The following ZNF335 variants were observed in gnomAD, a reference collection of about 807,000 sequenced individuals.
ZNF335 encodes the protein NRC-interacting factor 1.
ZNF335 carries 84 observed loss-of-function variants against 145.6 expected under a neutral mutation model. That is an observed-to-expected ratio of 0.58 (90% confidence interval 0.48 to 0.69). ZNF335 has a LOEUF of 0.69. Among genes scored for constraint, ZNF335 ranks in the 30% least tolerant of loss-of-function variants. The probability of loss-of-function intolerance (pLI) is 0.00; values close to 1 mark genes in which losing one functional copy is unlikely to be tolerated. For synonymous variants in ZNF335, 761 were observed against 717.0 expected, an observed-to-expected ratio of 1.06 and a Z score of -0.98; for missense variants, 1,865 against 1,809.7, an observed-to-expected ratio of 1.03 and a Z score of -0.55.
chr20:45,971,610 A>G, intron 1 of ZNF335, 150 bp from the exon 2 acceptor site: 2 of 1,434,326 alleles, frequency 1.4e-6, no homozygotes, highest in Non-Finnish European at 1.8e-6. Flanking sequence ...TTGCGAGGGG[A>G]GCTCGGGAAA....
chr20:45,961,212 T>C (rs1479820385), intron 10 of ZNF335, among the ~76,000 whole-genome samples: 2 of 152,058 alleles, frequency 1.3e-5, no homozygotes, highest in Non-Finnish European at 1.5e-5. Flanking sequence ...ACATCGTCTC[T>C]ACAAAAAAAA....
In ZNF335 at chr20:45,950,418, C is replaced by G. The variant is rs2083609563; in HGVS notation, c.3332+35G>C. 1.9e-6 allele frequency: 3 copies of G among 1,613,424 alleles called. No homozygotes were observed. The Admixed American group carries it at 5.0e-5, about 27-fold the overall frequency. The stretch of plus-strand genomic sequence containing the variant: ...GCTCAGGTTAGCTCCACCATACATG[C>G]CCAGCAGTCCCCACCCACCAGTATC... On this transcript the variant is annotated intron_variant, in intron 21 of 27. Coordinates refer to ENST00000322927, the MANE Select transcript of ZNF335 (RefSeq NM_022095.4).
intron 21 of ZNF335, 21 bp downstream of exon 21, chr20:45,950,431 AC>A (rs770711079): frequency 2.2e-5 from 36 of 1,613,838 alleles, no homozygotes; most frequent in Non-Finnish European, 2.9e-5. Context: ...AGCAGTCCCC[AC>A]CCACCAGTAT....
chr20:45,957,943 T>C lies in ZNF335; in HGVS notation c.2254-15A>G, dbSNP rs771230506. 1.2e-6 allele frequency: 2 copies of C among 1,612,004 alleles called. No individual in the cohort carries two copies. Among genetic ancestry groups the C allele is most frequent in the Admixed American group, 3.3e-5 (2 of 60,016 alleles). On this transcript the variant is annotated splice_polypyrimidine_tract_variant and intron_variant, in intron 15 of 27. Transcript: ENST00000322927. ...TCTGGGGGTATCTATGGGGTGGAGA[T>C]ATGGCCACGCCTGAGAGGGGCCAGC...
rs772525137 is a variant in ZNF335, at chr20:45,969,485, G to C, written c.408C>G (p.Ile136Met). 1.3e-6 allele frequency: 2 copies of C among 1,562,072 alleles called. No homozygotes were observed. The highest frequency in any genetic ancestry group is 1.3e-5 in the African/African-American group (1 of 74,228). The change falls in exon 3 of 28, where the codon ATC (isoleucine) becomes ATG (methionine). Residue 136 changes from isoleucine (I) to methionine (M), a missense_variant. Coordinates refer to ENST00000322927, the MANE Select transcript of ZNF335 (RefSeq NM_022095.4). ...SSDLGSAIDKIIESTIGPDLI... is the reference protein window; with the variant it reads ...SSDLGSAIDKMIESTIGPDLI... ...GGTCGGGCCCGATGGTGGACTCGAT[G>C]ATCTTGTCGATGGCCGAGCCCAGGT...
intron 3 of ZNF335, 33 bp from the exon 4 acceptor site, chr20:45,968,395 G>T (rs1374885395): frequency 6.3e-7 from 1 of 1,591,080 alleles, no homozygotes. Context: ...CACACCTCCT[G>T]GGGAGGGGGT....
chr20:45,953,985 G>C, intron 17 of ZNF335, 37 bp from the exon 18 acceptor site: 4 of 1,543,292 alleles, frequency 2.6e-6, no homozygotes, highest in Non-Finnish European at 3.5e-6. Context: ...GGAGGCACTG[G>C]TGGCAGAGGA....
chr20:45,952,388 A>G lies in ZNF335; in HGVS notation c.2948T>C (p.Val983Ala). 1.2e-6 allele frequency: 2 copies of G among 1,601,532 alleles called. No individual in the cohort carries two copies. The highest frequency in any genetic ancestry group is 1.7e-6 in the Non-Finnish European group (2 of 1,172,190). ...GGAGGCAGAGCTCTGGGAGTCCCCT[A>G]CGCAGTGGGTCTTGGCTGGAGATGG... ...EPPSPAKTHC[V>A]GDSQSSASSP... Residue 983 changes from valine to alanine, a missense_variant, in exon 20 of 28, where the codon GTA (valine) becomes GCA (alanine). Physicochemically the swap from Val to Ala is moderately conservative, Grantham distance 64 (BLOSUM62 0). Coordinates refer to ENST00000322927, the MANE Select transcript of ZNF335 (RefSeq NM_022095.4).
intron 10 of ZNF335, chr20:45,961,536 T>G (rs1385334621): frequency 6.6e-6 from 1 of 151,798 alleles, no homozygotes; most frequent in Non-Finnish European, 1.5e-5. Flanking sequence ...TAAAGTATCT[T>G]GGGCTGGCTT....
chr20:45,950,646 A>G (rs772091245), intron 20 of ZNF335, 51 bp from the exon 21 acceptor site: 1 of 1,596,992 alleles, frequency 6.3e-7, no homozygotes, highest in Non-Finnish European at 8.6e-7. Context: ...ACAGATGGCA[A>G]CAAATCCCCG....
In ZNF335 at chr20:45,955,852, A is replaced by G. The variant is rs191926821; in HGVS notation, c.2442+1734T>C. ...AAAAAAATTTATGAGCACTGAAAAT[A>G]TATGTACAGTGAAGCACTGCTTGAA... On this transcript the variant is annotated intron_variant, in intron 17 of 27. Transcript: ENST00000322927. 5.9e-5 allele frequency among the ~76,000 whole-genome samples: 9 copies of G among 152,214 alleles called. No individual in the cohort carries two copies. The East Asian group carries it at 1.4e-3, about 23-fold the overall frequency.
chr20:45,961,168 C>T (rs142033367), intron 10 of ZNF335, among the ~76,000 whole-genome samples: 124 of 152,186 alleles, frequency 8.1e-4, no homozygotes, highest in African/African-American at 2.8e-3. Context: ...AGTTAAGGCC[C>T]GGAGTTTGAG....
Position 45,963,648 on chromosome 20 carries a change from T to C in ZNF335, c.1358A>G (p.Tyr453Cys), listed in dbSNP as rs1460874320. 1.2e-6 allele frequency: 2 copies of C among 1,614,104 alleles called. No homozygotes were observed. Among genetic ancestry groups the C allele is most frequent in the East Asian group, 2.2e-5 (1 of 44,886 alleles). Residue 453 changes from tyrosine (Y) to cysteine (C), a missense_variant and splice_region_variant, in exon 9 of 28, where the codon TAC becomes TGC. Physicochemically the swap from Tyr to Cys is radical, Grantham distance 194. Coordinates refer to ENST00000322927, the MANE Select transcript of ZNF335 (RefSeq NM_022095.4). The part of the protein sequence containing the change: ...RRFLGKKYRK[Y>C]YYKSPKPLLR... Reference sequence around the variant, plus strand: ...AAGTGGTTTGGGCGACTTGTAATAGTACCTGCAGGATGAGAGTGTGGCGGA... The same window carrying C: ...AAGTGGTTTGGGCGACTTGTAATAGCACCTGCAGGATGAGAGTGTGGCGGA...
rs1165990780 is a variant in ZNF335 at position 45,950,072 on chromosome 20, G to A, written c.3488-3C>T. The A allele has an allele frequency of 1.2e-6, 2 of 1,613,250 alleles. No homozygotes were observed. Among genetic ancestry groups the A allele is most frequent in the East Asian group, 2.2e-5 (1 of 44,850 alleles). ...CCCGTGACTGGACTGGAGTGCAGCT[G>A]GGCAGAGAGGAGAGGATGCTCACCT... On this transcript the variant is annotated splice_region_variant and splice_polypyrimidine_tract_variant and intron_variant, in intron 22 of 27. Coordinates refer to ENST00000322927, the MANE Select transcript of ZNF335 (RefSeq NM_022095.4).
In ZNF335 at chr20:45,959,198, T is replaced by C. The variant is rs200995811; in HGVS notation, c.2253+3A>G. On this transcript the variant is annotated splice_donor_region_variant and intron_variant, in intron 15 of 27. Coordinates refer to ENST00000322927, the MANE Select transcript of ZNF335 (RefSeq NM_022095.4). Reference sequence around the variant, plus strand: ...GTCATCCTGACCCATGCCCCGACCTTACCTCAGGAGGTCCTGGGGAACTGG... The same window carrying C: ...GTCATCCTGACCCATGCCCCGACCTCACCTCAGGAGGTCCTGGGGAACTGG... 2.6e-5 allele frequency: 35 copies of C among 1,366,028 alleles called. No homozygotes were observed. The highest frequency in any genetic ancestry group is 2.9e-5 in the Admixed American group (1 of 34,316). 84.6% of individuals were successfully genotyped at this position (1,366,028 alleles called of 1,614,324 possible).
Position 45,949,456 on chromosome 20 carries a change from A to G in ZNF335, c.3753+29T>C, listed in dbSNP as rs777558948. On this transcript the variant is annotated intron_variant, in intron 25 of 27. Coordinates refer to ENST00000322927, the MANE Select transcript of ZNF335 (RefSeq NM_022095.4). Reference sequence around the variant, plus strand: ...GAGAGGTCATGCAGCCCTTCACCACACAGCACCCTCATCCCAGGTCTGGCC... The same window carrying G: ...GAGAGGTCATGCAGCCCTTCACCACGCAGCACCCTCATCCCAGGTCTGGCC... 6.8e-6 allele frequency: 11 copies of G among 1,613,944 alleles called. No homozygotes were observed. The Admixed American group carries it at 1.7e-4, about 24-fold the overall frequency.
At chr20:45,969,947 AG>A (rs1387509324) in intron 2 of ZNF335, 3 of 397,926 alleles carry the variant, frequency 7.5e-6, no homozygotes, top group East Asian at 3.8e-5. Context: ...AGCCACAGCC[AG>A]GGGGAGCTAT....
intron 14 of ZNF335, 25 bp from the exon 15 acceptor site, chr20:45,959,458 T>G (rs781703750): frequency 1.4e-6 from 2 of 1,416,422 alleles, no homozygotes; most frequent in Non-Finnish European, 1.9e-6. Flanking sequence ...TGGGGCATGC[T>G]TAAGTCTGCC....
In ZNF335 at chr20:45,949,818, C is replaced by T. The variant is rs1170527052; in HGVS notation, c.3651G>A (p.Leu1217=). The T allele has an allele frequency of 6.2e-7, 1 of 1,613,944 alleles. No individual in the cohort carries two copies. The highest frequency in any genetic ancestry group is 1.3e-5 in the African/African-American group (1 of 74,886). The change falls in exon 24 of 28, where the codon CTG becomes CTA. Residue 1217 remains leucine (L), a synonymous_variant. Coordinates refer to ENST00000322927, the MANE Select transcript of ZNF335 (RefSeq NM_022095.4). Reference sequence around the variant, plus strand: ...AGCTCACCTGGTTGTCGGAGGTCACCAGGTGCTGTACGGTCTGGCCATCTG... The same window carrying T: ...AGCTCACCTGGTTGTCGGAGGTCACTAGGTGCTGTACGGTCTGGCCATCTG... ...TTADGQTVQH[L]VTSDNQVQYI...
Sources: gnomAD v4.1 joint callset for allele counts (sites outside exome capture counted in the v4.1 genomes callset) on GRCh38, gnomAD v4.1.1 for gene constraint, MANE v1.5 for transcripts, NCBI Gene and HGNC (gene_info 2026-07-23, HGNC 2026-07-21) for gene names.